Variants in AGBL4 observed in about 807,000 individuals in gnomAD.
AGBL4 encodes the protein AGBL carboxypeptidase 4, also known as cytosolic carboxypeptidase 6.
A neutral mutation model predicts 66.4 loss-of-function variants in AGBL4; 58 were observed. The ratio of observed to expected loss-of-function variants is 0.87; its 90% CI spans 0.71 to 1.09. The LOEUF (loss-of-function observed/expected upper bound fraction) is 1.09, where lower values mean the gene tolerates loss of function less well. Among genes scored for constraint, AGBL4 ranks in the 50% least tolerant of loss-of-function variants. The pLI, the probability that AGBL4 is intolerant of heterozygous loss-of-function variation, is 0.00. For missense variants in AGBL4, 579 were observed against 631.0 expected, an observed-to-expected ratio of 0.92 and a Z score of 0.88; for synonymous variants, 234 against 222.9, an observed-to-expected ratio of 1.05 and a Z score of -0.44.
chr1:49,189,565 A>G (rs550700470), intron 4 of AGBL4, among the ~76,000 whole-genome samples: 2 of 152,330 alleles, frequency 1.3e-5, no homozygotes, highest in East Asian at 3.9e-4. Context: ...GAGAAAGCTG[A>G]GGCTCAGAGA....
chr1:48,618,149 G>A (rs1570021656), intron 9 of AGBL4, among the ~76,000 whole-genome samples: 1 of 152,168 alleles, frequency 6.6e-6, no homozygotes, highest in Non-Finnish European at 1.5e-5. Context: ...TGGGAAGATC[G>A]CTTGAGCTTA....
chr1:49,513,508 C>T (rs1649467653), intron 3 of AGBL4, among the ~76,000 whole-genome samples: 1 of 151,980 alleles, frequency 6.6e-6, no homozygotes, highest in Non-Finnish European at 1.5e-5. Context: ...TAAGTGAGAA[C>T]ATGTTTGGTT....
At chr1:48,952,065 T>C (rs2148928740) in intron 5 of AGBL4, among the ~76,000 whole-genome samples, 1 of 152,356 alleles carries the variant, frequency 6.6e-6, no homozygotes, top group South Asian at 2.1e-4. Context: ...TTGTAGCTTG[T>C]AAATGGATTC....
Position 48,619,168 on chromosome 1 carries a change from G to A in AGBL4, c.951+15325C>T, listed in dbSNP as rs192423136. Reference sequence around the variant, plus strand: ...TGACTACCAGTTGTGTGACCTTGCAGGTTTCAACTGCTTTTCATTTGTTCT... The same window carrying A: ...TGACTACCAGTTGTGTGACCTTGCAAGTTTCAACTGCTTTTCATTTGTTCT... On this transcript the variant is annotated intron_variant, in intron 9 of 13. Transcript: ENST00000371839. 3.9e-5 allele frequency among the ~76,000 whole-genome samples: 6 copies of A among 152,276 alleles called. No homozygotes were observed. In the East Asian group the frequency reaches 1.2e-3, roughly 29 times the overall value.
At chr1:48,931,699 G>A (rs1655050905) in intron 5 of AGBL4, among the ~76,000 whole-genome samples, 2 of 151,946 alleles carry the variant, frequency 1.3e-5, no homozygotes, top group Admixed American at 1.3e-4. Flanking sequence ...GTAGATAACG[G>A]GGTTTTTCCA....
chr1:49,058,832 C>T (rs181353492), intron 4 of AGBL4, among the ~76,000 whole-genome samples: 24 of 152,312 alleles, frequency 1.6e-4, no homozygotes, highest in African/African-American at 5.3e-4. Context: ...AAAGGCAACT[C>T]TTGTTATGCA....
intron 2 of AGBL4, among the ~76,000 whole-genome samples, chr1:49,771,750 T>C (rs1164080342): frequency 6.6e-6 from 1 of 152,054 alleles, no homozygotes; most frequent in Non-Finnish European, 1.5e-5. Context: ...TAATGACTTT[T>C]TTCTCTCTTT....
At chr1:49,191,161 A>T (rs544220046) in intron 4 of AGBL4, among the ~76,000 whole-genome samples, 24 of 152,350 alleles carry the variant, frequency 1.6e-4, no homozygotes, top group African/African-American at 5.5e-4. Context: ...GTCAACTCAG[A>T]TACAAAGAAG....
chr1:48,914,087 T>C (rs1314142832), intron 5 of AGBL4, among the ~76,000 whole-genome samples: 1 of 152,198 alleles, frequency 6.6e-6, no homozygotes, highest in African/African-American at 2.4e-5. Context: ...AGAGAAATGA[T>C]AATTGAAGCC....
At chr1:48,944,214 A>G (rs1470796574) in intron 5 of AGBL4, among the ~76,000 whole-genome samples, 1 of 152,040 alleles carries the variant, frequency 6.6e-6, no homozygotes, top group Non-Finnish European at 1.5e-5. Context: ...CACAGAGGAG[A>G]CAGAGGTGGC....
intron 3 of AGBL4, among the ~76,000 whole-genome samples, chr1:49,420,829 CTAAT>C (rs1645530468): frequency 6.6e-6 from 1 of 152,146 alleles, no homozygotes; most frequent in Non-Finnish European, 1.5e-5. Context: ...TAGCTAGAAC[CTAAT>C]CTGTGCCATA....
chr1:49,569,522 T>A (rs983160541), intron 3 of AGBL4, among the ~76,000 whole-genome samples: 6 of 152,126 alleles, frequency 3.9e-5, no homozygotes, highest in South Asian at 2.1e-4. Flanking sequence ...AAATAAAAAA[T>A]TAATTTTAAA....
chr1:49,241,884 T>C (rs1651268824), intron 4 of AGBL4, among the ~76,000 whole-genome samples: 1 of 152,010 alleles, frequency 6.6e-6, no homozygotes, highest in South Asian at 2.1e-4. Flanking sequence ...TATTATGTAC[T>C]TTTTACAGTG....
intron 2 of AGBL4, among the ~76,000 whole-genome samples, chr1:49,791,353 T>C (rs1251555482): frequency 6.6e-6 from 1 of 152,128 alleles, no homozygotes; most frequent in East Asian, 1.9e-4. Context: ...ATATATATGT[T>C]AGACACCTAC....
intron 2 of AGBL4, among the ~76,000 whole-genome samples, chr1:49,785,895 T>A (rs7536940): frequency 0.09 from 10,693 of 118,806 alleles, 672 homozygotes; most frequent in African/African-American, 0.23. Flanking sequence ...AAAAAAAAAA[T>A]ATATATATAT....
At chr1:49,134,475 G>GCCCCC (rs57286157) in intron 4 of AGBL4, among the ~76,000 whole-genome samples, 39 of 112,696 alleles carry the variant, frequency 3.5e-4, no homozygotes, top group East Asian at 9.5e-4. Context: ...ATTTTGGAGG[G>GCCCCC]CCCCCCCCCC....
At chr1:48,564,212 C>T (rs576117671) in intron 11 of AGBL4, among the ~76,000 whole-genome samples, 67 of 152,074 alleles carry the variant, frequency 4.4e-4, no homozygotes, top group Non-Finnish European at 8.5e-4. Flanking sequence ...TGTTGCTATC[C>T]AATCCGTTCT....
intron 11 of AGBL4, among the ~76,000 whole-genome samples, chr1:48,550,621 T>C (rs1395787838): frequency 1.3e-5 from 2 of 152,150 alleles, no homozygotes; most frequent in African/African-American, 4.8e-5. Flanking sequence ...ACCGAATGTC[T>C]TTGGGGGTCA....
At chr1:48,643,152 C>T (rs1449206125) in intron 8 of AGBL4, among the ~76,000 whole-genome samples, 3 of 152,172 alleles carry the variant, frequency 2.0e-5, no homozygotes, top group African/African-American at 7.2e-5. Flanking sequence ...TGTTCAGGAT[C>T]CTTCACAATC....
Sources: gnomAD v4.1 joint callset for allele counts (sites outside exome capture counted in the v4.1 genomes callset) on GRCh38, gnomAD v4.1.1 for gene constraint, MANE v1.5 for transcripts, NCBI Gene and HGNC (gene_info 2026-07-23, HGNC 2026-07-21) for gene names.